The following CSMD2 variants were observed in gnomAD, a reference collection of about 807,000 sequenced individuals.
The protein encoded by CSMD2 is CUB and sushi domain-containing protein 2.
CSMD2 carries 130 observed loss-of-function variants against 398.5 expected under a neutral mutation model. The ratio of observed to expected loss-of-function variants is 0.33; its 90% CI spans 0.28 to 0.38. The LOEUF (loss-of-function observed/expected upper bound fraction) is 0.38, where lower values mean the gene tolerates loss of function less well. Ranked by LOEUF, CSMD2 falls within the 10% of genes least tolerant of loss-of-function variation. The pLI is 1.00. For missense variants in CSMD2, 3,829 were observed against 4,764.9 expected (o/e 0.80, Z 5.78); for synonymous variants, 1,828 against 1,908.5 (o/e 0.96, Z 1.10).
intron 13 of CSMD2, among the ~76,000 whole-genome samples, chr1:33,766,421 C>T (rs918949684): frequency 6.6e-6 from 1 of 152,176 alleles, no homozygotes; most frequent in Non-Finnish European, 1.5e-5. Context: ...ATGATGCCCA[C>T]CACATTGCAG....
chr1:33,707,683 A>ATGCGCG (rs546434224), intron 22 of CSMD2, among the ~76,000 whole-genome samples: 162 of 72,224 alleles, frequency 2.2e-3, no homozygotes, highest in Non-Finnish European at 3.6e-3. Context: ...ACGCGTGCAC[A>ATGCGCG]CGCGCGCGCG....
At chr1:34,000,927 G>A (rs1372488861) in intron 3 of CSMD2, among the ~76,000 whole-genome samples, 2 of 151,526 alleles carry the variant, frequency 1.3e-5, no homozygotes, top group African/African-American at 4.9e-5. Flanking sequence ...AGAAGAGAGA[G>A]GAGGTAGAAG....
chr1:33,813,733 C>A (rs1657125977), intron 9 of CSMD2, among the ~76,000 whole-genome samples: 1 of 152,088 alleles, frequency 6.6e-6, no homozygotes, highest in Non-Finnish European at 1.5e-5. Flanking sequence ...GGTGCAAGTG[C>A]CTCTGGTCTC....
chr1:33,594,868 T>C (rs1331953399), intron 44 of CSMD2, among the ~76,000 whole-genome samples: 2 of 152,226 alleles, frequency 1.3e-5, no homozygotes, highest in Admixed American at 6.5e-5. Flanking sequence ...AAGTTTTAAT[T>C]TGGAGCAGCC....
intron 2 of CSMD2, among the ~76,000 whole-genome samples, chr1:34,063,637 G>A (rs1185343800): frequency 3.3e-5 from 5 of 152,184 alleles, no homozygotes; most frequent in African/African-American, 1.2e-4. Flanking sequence ...CCCACTCTGG[G>A]CTGCTTTCAT....
At chr1:33,578,017 A>G (rs1638416317) in intron 48 of CSMD2, among the ~76,000 whole-genome samples, 1 of 152,144 alleles carries the variant, frequency 6.6e-6, no homozygotes, top group African/African-American at 2.4e-5. Flanking sequence ...TTTAAGCTGT[A>G]TATGTAGATT....
chr1:33,832,851 C>T (rs1659761475), intron 6 of CSMD2, among the ~76,000 whole-genome samples: 1 of 152,126 alleles, frequency 6.6e-6, no homozygotes, highest in Non-Finnish European at 1.5e-5. Flanking sequence ...TACAAACTAC[C>T]ATCAGAGAAT....
At position 34,109,767 on chromosome 1, in the gene CSMD2, C is replaced by T. The variant is rs188257349; in HGVS notation, c.188-20574G>A. Among the ~76,000 whole-genome samples, 177 of 152,076 alleles carry T rather than the reference C, an allele frequency of 1.2e-3. 2 individuals carry two copies. Among genetic ancestry groups the T allele is most frequent in the Admixed American group, 9.0e-3 (138 of 15,272 alleles). ...AAAGAAGACATATATGAGCCAGGCA[C>T]GGTGGCTCATGCCTGTAATCTCAGC... On this transcript the variant is annotated intron_variant, in intron 1 of 70. Transcript: ENST00000373381.
At chr1:34,088,882 T>G in intron 2 of CSMD2, 95 bp downstream of exon 2, 1 of 1,002,236 alleles carries the variant, frequency 1.0e-6, no homozygotes, top group Non-Finnish European at 1.6e-6. Flanking sequence ...TCTTTGTTGA[T>G]GACCATAAAC....
intron 3 of CSMD2, among the ~76,000 whole-genome samples, chr1:33,992,790 T>C (rs1356141127): frequency 6.8e-6 from 1 of 148,032 alleles, no homozygotes; most frequent in African/African-American, 2.5e-5. Flanking sequence ...GGCAGGAGAA[T>C]GGTGTGAACC....
At chr1:34,058,638 T>C (rs1654127558) in intron 2 of CSMD2, among the ~76,000 whole-genome samples, 1 of 152,162 alleles carries the variant, frequency 6.6e-6, no homozygotes, top group Admixed American at 6.5e-5. Context: ...ATGCCTGTTG[T>C]CTGGGGATCT....
At chr1:34,154,461 T>C (rs1308924262) in intron 1 of CSMD2, among the ~76,000 whole-genome samples, 1 of 152,162 alleles carries the variant, frequency 6.6e-6, no homozygotes. Context: ...CTTTTAGTGG[T>C]GGAGTAAGGG....
At chr1:33,572,790 A>C (rs1406292731) in intron 49 of CSMD2, 99 bp from the exon 50 acceptor site, 3 of 896,470 alleles carry the variant, frequency 3.3e-6, no homozygotes, top group Non-Finnish European at 4.7e-6. Flanking sequence ...TTTTATTAGT[A>C]AAAACTAATT....
intron 2 of CSMD2, among the ~76,000 whole-genome samples, chr1:34,067,387 T>C (rs1655232084): frequency 6.6e-6 from 1 of 152,210 alleles, no homozygotes; most frequent in Admixed American, 6.5e-5. Flanking sequence ...AGTTCTTATG[T>C]GCTGCCTGGA....
At chr1:33,591,422 T>C (rs934010441) in intron 44 of CSMD2, among the ~76,000 whole-genome samples, 16 of 152,208 alleles carry the variant, frequency 1.1e-4, no homozygotes, top group Non-Finnish European at 1.9e-4. Flanking sequence ...AATGCCTTCC[T>C]TTGCCTTTGT....
intron 22 of CSMD2, among the ~76,000 whole-genome samples, chr1:33,702,546 G>A (rs1385275296): frequency 6.6e-6 from 1 of 152,012 alleles, no homozygotes; most frequent in Admixed American, 6.5e-5. Flanking sequence ...TTTATTCTAT[G>A]CATTTATTTC....
At chr1:33,871,447 A>T (rs946270381) in intron 5 of CSMD2, among the ~76,000 whole-genome samples, 2 of 152,218 alleles carry the variant, frequency 1.3e-5, no homozygotes, top group African/African-American at 2.4e-5. Context: ...CCTGTAACAG[A>T]ATATCTAAAG....
intron 57 of CSMD2, among the ~76,000 whole-genome samples, chr1:33,543,777 G>A (rs1251534481): frequency 6.6e-6 from 1 of 152,190 alleles, no homozygotes; most frequent in Non-Finnish European, 1.5e-5. Flanking sequence ...TGCTTACCCT[G>A]AAATACTGTT....
rs1643810363 is a variant in CSMD2, at chr1:33,652,439, T to C, written c.4470A>G (p.Thr1490=). The change falls in exon 28 of 71, where the codon ACA becomes ACG. Residue 1490 remains threonine (T), a synonymous_variant. Coordinates refer to ENST00000373381, the MANE Select transcript of CSMD2 (RefSeq NM_001281956.2). ...TCIAPCGGDL[T]GPSGVILSPN... is the part of the protein sequence containing the mutation. ...GTGAGAGGATGACTCCAGATGGTCC[T>C]GTCAGGTCTCCCCCGCAGGGAGCTG... 4 of 1,614,182 alleles carry C rather than the reference T, an allele frequency of 2.5e-6. No homozygotes were observed. The highest frequency in any genetic ancestry group is 1.1e-5 in the South Asian group (1 of 91,080).
Sources: gnomAD v4.1 joint callset for allele counts (sites outside exome capture counted in the v4.1 genomes callset) on GRCh38, gnomAD v4.1.1 for gene constraint, MANE v1.5 for transcripts, NCBI Gene and HGNC (gene_info 2026-07-23, HGNC 2026-07-21) for gene names.